The following WDR19 variants were observed in gnomAD, a reference collection of about 807,000 sequenced individuals.
WDR19 encodes the protein WD repeat domain 19, also known as WD repeat-containing protein 19.
WDR19 carries 121 observed loss-of-function variants against 180.0 expected under a neutral mutation model. The observed-to-expected ratio is 0.67, with a 90% CI of 0.58 to 0.78. The LOEUF is 0.78. Among genes scored for constraint, WDR19 ranks in the 30% least tolerant of loss-of-function variants. The pLI, the probability that WDR19 is intolerant of heterozygous loss-of-function variation, is 0.00. For synonymous variants in WDR19, 497 were observed against 540.7 expected, an observed-to-expected ratio of 0.92 and a Z score of 1.12; for missense variants, 1,450 against 1,640.7, an observed-to-expected ratio of 0.88 and a Z score of 2.01.
intron 28 of WDR19, among the ~76,000 whole-genome samples, chr4:39,264,419 C>A (rs565593239): frequency 7.2e-5 from 11 of 152,206 alleles, no homozygotes; most frequent in Admixed American, 3.3e-4. Context: ...TTTCCCCTGA[C>A]GATGACCACA....
At chr4:39,271,831 A>G (rs1735411395) in intron 31 of WDR19, among the ~76,000 whole-genome samples, 1 of 152,234 alleles carries the variant, frequency 6.6e-6, no homozygotes, top group Admixed American at 6.5e-5. Context: ...CAGTGATAGA[A>G]CTATTCTATA....
At chr4:39,215,105 C>CTAAAGGAG (rs1728931148) in intron 10 of WDR19, among the ~76,000 whole-genome samples, 1 of 152,108 alleles carries the variant, frequency 6.6e-6, no homozygotes, top group Non-Finnish European at 1.5e-5. Flanking sequence ...CACTAGAGTT[C>CTAAAGGAG]CCTAAAATAG....
chr4:39,197,696 A>G (rs1270903745), intron 5 of WDR19, among the ~76,000 whole-genome samples: 3 of 152,198 alleles, frequency 2.0e-5, no homozygotes, highest in Non-Finnish European at 4.4e-5. Context: ...GGAAAGCTCA[A>G]TGAAAAAGCT....
Position 39,266,098 on chromosome 4 carries a change from G to A in WDR19, c.3219G>A (p.Gln1073=). 1 of 1,561,336 alleles carries A rather than the reference G, an allele frequency of 6.4e-7. No homozygotes were observed. The highest frequency in any genetic ancestry group is 1.2e-5 in the South Asian group (1 of 84,368). The change falls in exon 29 of 37, where the codon CAG becomes CAA. Residue 1073 remains glutamine (Q), a synonymous_variant. Coordinates refer to ENST00000399820, the MANE Select transcript of WDR19 (RefSeq NM_025132.4). ...GQAKDELLTN[Q]LIDHLLGEND... is the part of the protein sequence containing the mutation. ...CCAAAGATGAACTGCTGACCAATCA[G>A]CTGATAGACCATCTCCTGGGGGAGA...
intron 14 of WDR19, among the ~76,000 whole-genome samples, chr4:39,221,011 A>G (rs1384282638): frequency 6.6e-6 from 1 of 151,494 alleles, no homozygotes; most frequent in Non-Finnish European, 1.5e-5. Flanking sequence ...CATGGGACAC[A>G]GGAGCCTGGC....
At chr4:39,231,430 CCT>C (rs1730851619) in intron 17 of WDR19, among the ~76,000 whole-genome samples, 1 of 151,894 alleles carries the variant, frequency 6.6e-6, no homozygotes, top group Non-Finnish European at 1.5e-5. Context: ...TTTGCTGACC[CCT>C]GTTTTAAACT....
chr4:39,264,920 C>CT (rs1734636306), intron 28 of WDR19, among the ~76,000 whole-genome samples: 2 of 42,202 alleles, frequency 4.7e-5, no homozygotes, highest in Non-Finnish European at 9.2e-5. Flanking sequence ...ATGGAGATGA[C>CT]GTTTTTTTTT....
intron 6 of WDR19, among the ~76,000 whole-genome samples, chr4:39,202,766 A>T (rs1727505158): frequency 6.6e-6 from 1 of 151,352 alleles, no homozygotes; most frequent in Non-Finnish European, 1.5e-5. Context: ...AGTCATTTTT[A>T]AAATATTTAT....
Position 39,232,152 on chromosome 4 carries a change from T to C in WDR19, c.2143-10T>C, listed in dbSNP as rs2109367976. 1 of 1,607,642 alleles carries C rather than the reference T, an allele frequency of 6.2e-7. No homozygotes were observed. The highest frequency in any genetic ancestry group is 1.3e-5 in the African/African-American group (1 of 74,692). ...ATTTTTTTTCTCATCAGAATTGCTT[T>C]TATTTGTAGGGAATAGAGGACTACA... On this transcript the variant is annotated splice_polypyrimidine_tract_variant and intron_variant, in intron 18 of 36. Coordinates refer to ENST00000399820, the MANE Select transcript of WDR19 (RefSeq NM_025132.4).
At chr4:39,273,246 A>G in intron 32 of WDR19, 185 bp downstream of exon 32, 1 of 551,732 alleles carries the variant, frequency 1.8e-6, no homozygotes, top group Non-Finnish European at 3.1e-6. Flanking sequence ...GGGAGGATTT[A>G]CAAGAGTCAA....
chr4:39,228,794 C>A, intron 17 of WDR19, 104 bp downstream of exon 17: 4 of 1,299,676 alleles, frequency 3.1e-6, no homozygotes, highest in East Asian at 2.6e-5. Flanking sequence ...TATTCTTTAT[C>A]CTTGCAAGAA....
At chr4:39,280,957 C>A (rs369971737) in intron 36 of WDR19, among the ~76,000 whole-genome samples, 1 of 152,070 alleles carries the variant, frequency 6.6e-6, no homozygotes, top group South Asian at 2.1e-4. Context: ...CCAGCTGACC[C>A]GGCAGAATTT....
chr4:39,250,231 T>C (rs559864711), intron 24 of WDR19, among the ~76,000 whole-genome samples: 1 of 152,118 alleles, frequency 6.6e-6, no homozygotes, highest in Non-Finnish European at 1.5e-5. Context: ...TAATCCAGCA[T>C]ATAAACAGAA....
chr4:39,272,031 G>A (rs1735426881), intron 31 of WDR19, among the ~76,000 whole-genome samples: 1 of 152,168 alleles, frequency 6.6e-6, no homozygotes, highest in Non-Finnish European at 1.5e-5. Context: ...AATGCATCTG[G>A]AGTTATAACT....
intron 15 of WDR19, 148 bp from the exon 16 acceptor site, chr4:39,228,062 C>T (rs888567232): frequency 1.3e-6 from 1 of 775,944 alleles, no homozygotes; most frequent in Non-Finnish European, 1.9e-6. Flanking sequence ...GAAAAAGAAA[C>T]TTTCTTTCCT....
chr4:39,235,259 T>C (rs1484045237), intron 20 of WDR19, among the ~76,000 whole-genome samples: 6 of 152,122 alleles, frequency 3.9e-5, no homozygotes, highest in African/African-American at 7.2e-5. Flanking sequence ...CCTGAGTAGC[T>C]GGGACTATAG....
chr4:39,258,462 C>G (rs1560546789), intron 28 of WDR19, among the ~76,000 whole-genome samples: 1 of 152,074 alleles, frequency 6.6e-6, no homozygotes, highest in Admixed American at 6.6e-5. Context: ...AGCAATAGGT[C>G]ATTCTTCTTC....
intron 32 of WDR19, chr4:39,274,267 C>T (rs1350029817): frequency 2.0e-5 from 3 of 153,240 alleles, no homozygotes; most frequent in African/African-American, 7.2e-5. Context: ...TCAAAGTCTA[C>T]CATGCGGGCA....
At chr4:39,199,706 A>ATG (rs200776085) in intron 6 of WDR19, 113 bp downstream of exon 6, 18 of 778,608 alleles carry the variant, frequency 2.3e-5, no homozygotes, top group African/African-American at 7.0e-5. Context: ...TGAGGTATAT[A>ATG]TGTGTGTGTG....
Sources: allele counts gnomAD v4.1 joint callset (sites outside exome capture counted in the v4.1 genomes callset), GRCh38; gene constraint gnomAD v4.1.1; transcripts MANE v1.5; gene names NCBI Gene and HGNC (gene_info 2026-07-23, HGNC 2026-07-21).